The following XIRP2 variants were observed in gnomAD, a reference collection of about 807,000 sequenced individuals.
XIRP2 encodes the protein xin actin binding repeat containing 2.
A neutral mutation model predicts 277.0 loss-of-function variants in XIRP2; 236 were observed. The observed-to-expected ratio is 0.85, with a 90% CI of 0.77 to 0.95. The LOEUF is 0.95. Ranked by LOEUF, XIRP2 falls within the 40% of genes least tolerant of loss-of-function variation. The pLI is 0.00. For synonymous variants in XIRP2, 1,490 were observed against 1,416.5 expected (o/e 1.05, Z -1.17); for missense variants, 4,640 against 4,157.5 (o/e 1.12, Z -3.19).
chr2:167,094,859 C>G (rs1285260955), intron 2 of XIRP2, among the ~76,000 whole-genome samples: 1 of 152,044 alleles, frequency 6.6e-6, no homozygotes, highest in Admixed American at 6.6e-5. Context: ...TGAAGGAAGC[C>G]AATTGTAGCT....
At chr2:167,257,346 T>C (rs914019555) in intron 10 of XIRP2, among the ~76,000 whole-genome samples, 2 of 151,780 alleles carry the variant, frequency 1.3e-5, no homozygotes, top group African/African-American at 4.8e-5. Flanking sequence ...TTCATAGATA[T>C]TTCGAAAACT....
Position 166,898,731 on chromosome 2 carries a change from C to T in XIRP2, c.-18-4734C>T, listed in dbSNP as rs149646306. 2.3e-3 allele frequency among the ~76,000 whole-genome samples: 355 copies of T among 152,174 alleles called. 3 individuals are homozygous for T. Among genetic ancestry groups the T allele is most frequent in the African/African-American group, 7.7e-3 (320 of 41,550 alleles). ...TCAAGACACAGAAGTTTCCTACTAC[C>T]ACACAGATCTCCCTGTGTTACCCCT... On this transcript the variant is annotated intron_variant, in intron 1 of 10. Coordinates refer to ENST00000409195, the MANE Select transcript of XIRP2 (RefSeq NM_152381.6).
At chr2:166,910,842 C>T (rs180833814) in intron 2 of XIRP2, among the ~76,000 whole-genome samples, 2 of 152,308 alleles carry the variant, frequency 1.3e-5, no homozygotes, top group African/African-American at 2.4e-5. Context: ...CAAAGAACAT[C>T]TTTATTTCTG....
At chr2:167,113,880 T>C (rs1346056849) in intron 2 of XIRP2, among the ~76,000 whole-genome samples, 1 of 152,232 alleles carries the variant, frequency 6.6e-6, no homozygotes, top group Non-Finnish European at 1.5e-5. Context: ...AAGGATCTTA[T>C]TTCTCCTTCA....
intron 2 of XIRP2, among the ~76,000 whole-genome samples, chr2:167,055,905 G>A (rs752689891): frequency 6.6e-6 from 1 of 152,048 alleles, no homozygotes; most frequent in Non-Finnish European, 1.5e-5. Context: ...TATATAAAAT[G>A]CATTAACATA....
At chr2:167,233,875 A>G (rs1694826915) in intron 5 of XIRP2, among the ~76,000 whole-genome samples, 1 of 151,700 alleles carries the variant, frequency 6.6e-6, no homozygotes, top group Non-Finnish European at 1.5e-5. Flanking sequence ...TCTTTAATAT[A>G]CATCTACGTA....
chr2:166,997,453 G>A (rs1687252116), intron 2 of XIRP2, among the ~76,000 whole-genome samples: 1 of 152,138 alleles, frequency 6.6e-6, no homozygotes, highest in Non-Finnish European at 1.5e-5. Context: ...ATCTGATTCA[G>A]TGTATCATTC....
At chr2:167,119,495 A>G (rs898443127) in intron 2 of XIRP2, among the ~76,000 whole-genome samples, 5 of 152,146 alleles carry the variant, frequency 3.3e-5, no homozygotes, top group Non-Finnish European at 5.9e-5. Flanking sequence ...ATACAATCTC[A>G]TGGCTCACCA....
chr2:167,174,970 CT>C (rs1238281654), intron 3 of XIRP2, among the ~76,000 whole-genome samples: 2 of 151,982 alleles, frequency 1.3e-5, no homozygotes, highest in African/African-American at 2.4e-5. Flanking sequence ...GATTTCCATT[CT>C]TTTGTATTTG....
Position 167,136,046 on chromosome 2 carries a change from C to G in XIRP2, c.546C>G (p.His182Gln). 6.2e-7 allele frequency: 1 copy of G among 1,604,816 alleles called. No homozygotes were observed. The highest frequency in any genetic ancestry group is 8.5e-7 in the Non-Finnish European group (1 of 1,176,534). ...SFDKMSPESG[H>Q]SRIFEATAGP... Reference sequence around the variant, plus strand: ...ACAAGATGTCACCTGAAAGTGGTCACAGCCGCATCTTTGAAGGTTAGCATA... The same window carrying G: ...ACAAGATGTCACCTGAAAGTGGTCAGAGCCGCATCTTTGAAGGTTAGCATA... The change falls in exon 3 of 11, where the codon CAC becomes CAG. Residue 182 changes from histidine (H) to glutamine (Q), a missense_variant. Transcript: ENST00000409195.
intron 5 of XIRP2, among the ~76,000 whole-genome samples, chr2:167,219,454 G>A (rs1487351428): frequency 6.6e-6 from 1 of 152,136 alleles, no homozygotes; most frequent in South Asian, 2.1e-4. Flanking sequence ...TATCAGTAAT[G>A]AATTTATAGA....
chr2:167,225,546 A>G (rs1694570922), intron 5 of XIRP2, among the ~76,000 whole-genome samples: 1 of 152,156 alleles, frequency 6.6e-6, no homozygotes, highest in African/African-American at 2.4e-5. Flanking sequence ...TATTTGCCAG[A>G]GAACTGTTGC....
chr2:167,035,568 G>T lies in XIRP2; in HGVS notation c.409-100341G>T, dbSNP rs576513384. ...CTAAGCAGCAAAGCATTCAAGAGGT[G>T]ACTTGGGTACTGTTAAAGGCATTAA... On this transcript the variant is annotated intron_variant, in intron 2 of 10. Coordinates refer to ENST00000409195, the MANE Select transcript of XIRP2 (RefSeq NM_152381.6). Among the ~76,000 whole-genome samples the T allele has an allele frequency of 2.6e-5, 4 of 152,302 alleles. No individual in the cohort carries two copies. The South Asian group carries it at 8.3e-4, about 32-fold the overall frequency.
chr2:167,031,781 C>T (rs373781551), intron 2 of XIRP2, among the ~76,000 whole-genome samples: 1 of 152,016 alleles, frequency 6.6e-6, no homozygotes, highest in African/African-American at 2.4e-5. Context: ...GAACTAGAAA[C>T]CACTGCTCAA....
intron 2 of XIRP2, among the ~76,000 whole-genome samples, chr2:167,026,638 A>G (rs990865112): frequency 5.9e-5 from 9 of 152,008 alleles, no homozygotes; most frequent in Admixed American, 1.3e-4. Flanking sequence ...GAGCTCTTTT[A>G]GGGCAGGCCT....
At chr2:167,034,217 C>A (rs1688445895) in intron 2 of XIRP2, among the ~76,000 whole-genome samples, 4 of 151,980 alleles carry the variant, frequency 2.6e-5, no homozygotes, top group Non-Finnish European at 5.9e-5. Context: ...TCAGTGTTGT[C>A]ATCAGTTTTT....
chr2:167,172,575 G>T (rs1255593363), intron 3 of XIRP2, among the ~76,000 whole-genome samples: 1 of 152,124 alleles, frequency 6.6e-6, no homozygotes, highest in East Asian at 1.9e-4. Context: ...CTACCCCTAG[G>T]AACACATTCT....
At chr2:166,910,702 G>GTTAGGGTGTCAACTTTAGATT (rs1684677266) in intron 2 of XIRP2, among the ~76,000 whole-genome samples, 1 of 152,118 alleles carries the variant, frequency 6.6e-6, no homozygotes, top group Non-Finnish European at 1.5e-5. Flanking sequence ...CAATTGTGAT[G>GTTAGGGTGTCAACTTTAGATT]TTAGGGTGTC....
In XIRP2 at chr2:166,903,579, T is replaced by C; in HGVS notation, c.97T>C (p.Cys33Arg). The C allele has an allele frequency of 6.2e-7, 1 of 1,613,576 alleles. No individual in the cohort carries two copies. The highest frequency in any genetic ancestry group is 8.5e-7 in the Non-Finnish European group (1 of 1,179,738). Reference sequence around the variant, plus strand: ...TGAGTGTCATCCCAGGGACAGCCATTGTACAATTTTCCAGCCTCAGGAAAG... The same window carrying C: ...TGAGTGTCATCCCAGGGACAGCCATCGTACAATTTTCCAGCCTCAGGAAAG... ...RSECHPRDSHCTIFQPQESKL... is the reference protein window; with the variant it reads ...RSECHPRDSHRTIFQPQESKL... Residue 33 changes from cysteine (C) to arginine (R), a missense_variant, in exon 2 of 11, where the codon TGT becomes CGT. Cys to Arg is a radical substitution (Grantham distance 180, BLOSUM62 -3). Coordinates refer to ENST00000409195, the MANE Select transcript of XIRP2 (RefSeq NM_152381.6).
Sources: gnomAD v4.1 joint callset for allele counts (sites outside exome capture counted in the v4.1 genomes callset) on GRCh38, gnomAD v4.1.1 for gene constraint, MANE v1.5 for transcripts, NCBI Gene and HGNC (gene_info 2026-07-23, HGNC 2026-07-21) for gene names.